The following CLEC5A variants were observed in gnomAD, a reference collection of about 807,000 sequenced individuals.
CLEC5A encodes C-type lectin domain containing 5A.
In CLEC5A, 15 loss-of-function variants were observed where a neutral mutation model predicts 24.4. The observed-to-expected ratio is 0.62, with a 90% CI of 0.41 to 0.95. The LOEUF is 0.95. Among genes scored for constraint, CLEC5A ranks in the 40% least tolerant of loss-of-function variants. The probability of loss-of-function intolerance (pLI) is 0.00; values close to 1 mark genes in which losing one functional copy is unlikely to be tolerated. For synonymous variants in CLEC5A, 71 were observed against 72.6 expected, an observed-to-expected ratio of 0.98 and a Z score of 0.11; for missense variants, 211 against 224.0, an observed-to-expected ratio of 0.94 and a Z score of 0.37.
At chr7:141,938,166 T>C (rs1185836638) in intron 4 of CLEC5A, among the ~76,000 whole-genome samples, 1 of 152,060 alleles carries the variant, frequency 6.6e-6, no homozygotes, top group Non-Finnish European at 1.5e-5. Context: ...ACCTCACCAG[T>C]TGAGGTAAAT....
intron 6 of CLEC5A, 68 bp downstream of exon 6, chr7:141,931,652 C>T (rs782508050): frequency 2.3e-6 from 2 of 853,400 alleles, no homozygotes; most frequent in South Asian, 2.7e-5. Flanking sequence ...AGGGTGAACC[C>T]AGCAATCTCA....
Position 141,930,065 on chromosome 7 carries a change from AAG to A in CLEC5A, c.*37_*38del. 4 of 1,504,484 alleles carry A rather than the reference AAG, an allele frequency of 2.7e-6. No individual in the cohort carries two copies. Among genetic ancestry groups the A allele is most frequent in the Non-Finnish European group, 3.7e-6 (4 of 1,083,048 alleles). 93.2% of individuals were successfully genotyped at this position (1,504,484 alleles called of 1,614,324 possible). On this transcript the variant is annotated 3_prime_UTR_variant, in exon 7 of 7. Transcript: ENST00000546910. ...GCCAGACGACCTGTATGGATTCAAA[AAG>A]AGTTGCAAGTATAGTTCTTGTCACA...
chr7:141,945,585 C>T (rs1435890253), intron 2 of CLEC5A, among the ~76,000 whole-genome samples, 185 bp from the exon 3 acceptor site: 1 of 152,006 alleles, frequency 6.6e-6, no homozygotes, highest in Non-Finnish European at 1.5e-5. Flanking sequence ...TATTTCTGTC[C>T]TGCTGTCTGA....
intron 4 of CLEC5A, 130 bp from the exon 5 acceptor site, chr7:141,936,080 TC>T: frequency 1.3e-6 from 1 of 779,084 alleles, no homozygotes; most frequent in Non-Finnish European, 2.1e-6. Flanking sequence ...TTATTCTCCA[TC>T]CAGGAAGAAA....
rs1376488818 is a variant in CLEC5A at position 141,930,002 on chromosome 7, G to A, written c.*102C>T. 14 of 849,644 alleles carry A rather than the reference G, an allele frequency of 1.6e-5. No homozygotes were observed. The highest frequency in any genetic ancestry group is 5.0e-5 in the Admixed American group (2 of 39,716). The allele number at this position is 849,644 out of a possible 1,614,324, so 52.6% of individuals were successfully genotyped here. A position where few individuals can be genotyped will look rare whatever the true frequency, so the allele number is the denominator to read the frequency against. On this transcript the variant is annotated 3_prime_UTR_variant, in exon 7 of 7. Coordinates refer to ENST00000546910, the MANE Select transcript of CLEC5A (RefSeq NM_013252.3). ...TCAGTTTCCCAAATGGGCAAGGACC[G>A]CTACTGGTAGACAGATAGGTAAGTA...
intron 6 of CLEC5A, 28 bp from the exon 7 acceptor site, chr7:141,930,246 A>G (rs1554440154): frequency 3.9e-6 from 6 of 1,546,704 alleles, no homozygotes; most frequent in Non-Finnish European, 5.3e-6. Context: ...ACAAAACAAA[A>G]CAAACAAACA....
chr7:141,936,820 G>A (rs1018887230), intron 4 of CLEC5A, among the ~76,000 whole-genome samples: 1 of 151,978 alleles, frequency 6.6e-6, no homozygotes, highest in Non-Finnish European at 1.5e-5. Context: ...AGAGGAGAGG[G>A]AAGAGTAAAG....
chr7:141,936,225 AAG>A, intron 4 of CLEC5A: 1 of 438,278 alleles, frequency 2.3e-6, no homozygotes, highest in South Asian at 2.3e-5. Context: ...ACACACAAAA[AAG>A]CACATATACA....
Position 141,928,426 on chromosome 7 carries a change from G to C in CLEC5A, c.*1678C>G, listed in dbSNP as rs1011521473. 6.6e-6 allele frequency: 1 copy of C among 152,300 alleles called. No homozygotes were observed. Among genetic ancestry groups the C allele is most frequent in the Non-Finnish European group, 1.5e-5 (1 of 68,036 alleles). The allele number at this position is 152,300 out of a possible 1,614,324, so 9.4% of individuals were successfully genotyped here. ...GAGTTCTGGGGCTTGCCTTTGGCTA[G>C]AGTTCTGTTGATATTTTTCTCCACC... is the stretch of plus-strand genomic sequence containing the variant. On this transcript the variant is annotated 3_prime_UTR_variant, in exon 7 of 7. Transcript: ENST00000546910.
chr7:141,938,485 C>T (rs1802693765), intron 4 of CLEC5A, among the ~76,000 whole-genome samples: 1 of 152,026 alleles, frequency 6.6e-6, no homozygotes, highest in Non-Finnish European at 1.5e-5. Context: ...CTTGTAAGGT[C>T]TAAAAAATAG....
intron 5 of CLEC5A, among the ~76,000 whole-genome samples, chr7:141,934,930 G>A (rs1302015950): frequency 1.3e-5 from 2 of 152,128 alleles, no homozygotes; most frequent in African/African-American, 4.8e-5. Flanking sequence ...TGGCAGACTT[G>A]TCACACTTGC....
At chr7:141,934,612 CGT>C (rs1802560227) in intron 5 of CLEC5A, among the ~76,000 whole-genome samples, 7 of 83,172 alleles carry the variant, frequency 8.4e-5, no homozygotes, top group African/African-American at 3.4e-4. Context: ...TTTTCTTTAA[CGT>C]TTTTTTTTTT....
intron 4 of CLEC5A, among the ~76,000 whole-genome samples, chr7:141,938,671 A>G (rs1347740536): frequency 6.6e-6 from 1 of 152,234 alleles, no homozygotes; most frequent in Non-Finnish European, 1.5e-5. Context: ...GCCAAAGAAG[A>G]CTACCTTAAG....
intron 5 of CLEC5A, among the ~76,000 whole-genome samples, chr7:141,932,315 C>T (rs531956517): frequency 7.9e-5 from 12 of 152,228 alleles, no homozygotes; most frequent in South Asian, 4.1e-4. Flanking sequence ...GAAAGGAAAA[C>T]GGTGAGATTT....
chr7:141,943,847 T>C (rs377123839), intron 4 of CLEC5A, 49 bp downstream of exon 4: 38 of 1,240,832 alleles, frequency 3.1e-5, no homozygotes, highest in Non-Finnish European at 4.3e-5. Context: ...AAGAATTCAG[T>C]GCATGAGAAC....
chr7:141,940,950 A>G (rs1382985426), intron 4 of CLEC5A, among the ~76,000 whole-genome samples: 1 of 152,054 alleles, frequency 6.6e-6, no homozygotes, highest in Non-Finnish European at 1.5e-5. Context: ...CTCTCCCAAT[A>G]AAGAAAAGCC....
In CLEC5A at chr7:141,928,001, C is replaced by T. The variant is rs916239424; in HGVS notation, c.*2103G>A. ...AGGGTAAGAAAACTGTACTGATTCACACAGCATATTAGAAACAAAGTGAAA... is the reference window on the plus strand; with the variant it reads ...AGGGTAAGAAAACTGTACTGATTCATACAGCATATTAGAAACAAAGTGAAA... On this transcript the variant is annotated 3_prime_UTR_variant, in exon 7 of 7. Transcript: ENST00000546910. The T allele has an allele frequency of 1.4e-4, 21 of 151,944 alleles. No homozygotes were observed. The highest frequency in any genetic ancestry group is 1.2e-3 in the Admixed American group (19 of 15,246). 9.4% of individuals were successfully genotyped at this position (151,944 alleles called of 1,614,324 possible).
chr7:141,935,728 C>T lies in CLEC5A; in HGVS notation c.345+86G>A. 3 of 1,127,828 alleles carry T rather than the reference C, an allele frequency of 2.7e-6. No homozygotes were observed. In the South Asian group the frequency reaches 4.1e-5, roughly 15 times the overall value. The allele number at this position is 1,127,828 out of a possible 1,614,324, so 69.9% of individuals were successfully genotyped here. A position where few individuals can be genotyped will look rare whatever the true frequency, so the allele number is the denominator to read the frequency against. ...CTCTCCATTCCTCACTCCATCCCATCCCCACTCCCCCAAGTTTCTACCCCA... is the reference window on the plus strand; with the variant it reads ...CTCTCCATTCCTCACTCCATCCCATTCCCACTCCCCCAAGTTTCTACCCCA... On this transcript the variant is annotated intron_variant, in intron 5 of 6. Coordinates refer to ENST00000546910, the MANE Select transcript of CLEC5A (RefSeq NM_013252.3).
chr7:141,936,129 A>G (rs1393884350), intron 4 of CLEC5A, 179 bp from the exon 5 acceptor site: 19 of 604,540 alleles, frequency 3.1e-5, no homozygotes, highest in South Asian at 1.8e-4. Flanking sequence ...ACAATAATAT[A>G]AGGAGAATAA....
Sources: gnomAD v4.1 joint callset for allele counts (sites outside exome capture counted in the v4.1 genomes callset) on GRCh38, gnomAD v4.1.1 for gene constraint, MANE v1.5 for transcripts, NCBI Gene and HGNC (gene_info 2026-07-23, HGNC 2026-07-21) for gene names.